The following PALS2 variants were observed in gnomAD, a reference collection of about 807,000 sequenced individuals.
The protein encoded by PALS2 is protein associated with LIN7 2, MAGUK p55 family member, also known as protein PALS2.
Under a neutral mutation model 61.6 loss-of-function variants are expected in PALS2, and 27 were observed. The observed-to-expected ratio is 0.44, with a 90% CI of 0.32 to 0.60. PALS2 has a LOEUF of 0.60. Among genes scored for constraint, PALS2 ranks in the 20% least tolerant of loss-of-function variants. The pLI, the probability that PALS2 is intolerant of heterozygous loss-of-function variation, is 0.05. For missense variants in PALS2, 554 were observed against 639.4 expected, an observed-to-expected ratio of 0.87 and a Z score of 1.44; for synonymous variants, 236 against 218.6, an observed-to-expected ratio of 1.08 and a Z score of -0.70.
At chr7:24,625,410 C>T (rs1381322153) in intron 2 of PALS2, among the ~76,000 whole-genome samples, 5 of 152,184 alleles carry the variant, frequency 3.3e-5, no homozygotes, top group Non-Finnish European at 7.4e-5. Flanking sequence ...TTTGTCTTCA[C>T]AACAACTTTA....
At chr7:24,668,189 G>T (rs1787127133) in intron 8 of PALS2, among the ~76,000 whole-genome samples, 1 of 151,960 alleles carries the variant, frequency 6.6e-6, no homozygotes, top group Admixed American at 6.6e-5. Flanking sequence ...TGGGTATAAT[G>T]GCTCATACCT....
intron 1 of PALS2, among the ~76,000 whole-genome samples, chr7:24,592,900 T>G (rs893826628): frequency 5.3e-5 from 8 of 152,186 alleles, no homozygotes; most frequent in South Asian, 2.1e-4. Context: ...GGGTGGTGGT[T>G]GTTGAAGGTT....
intron 1 of PALS2, among the ~76,000 whole-genome samples, chr7:24,605,458 T>G (rs556857437): frequency 3.7e-4 from 56 of 152,298 alleles, no homozygotes; most frequent in South Asian, 1.0e-3. Flanking sequence ...CATATATCAC[T>G]GATATAGTAA....
At chr7:24,674,024 C>G (rs1227233245) in intron 9 of PALS2, among the ~76,000 whole-genome samples, 1 of 151,788 alleles carries the variant, frequency 6.6e-6, no homozygotes, top group Non-Finnish European at 1.5e-5. Flanking sequence ...TAAATAGGTT[C>G]AATGATACAT....
At chr7:24,628,136 G>A (rs999810160) in intron 2 of PALS2, among the ~76,000 whole-genome samples, 3 of 152,102 alleles carry the variant, frequency 2.0e-5, no homozygotes, top group East Asian at 3.9e-4. Flanking sequence ...CTGGCAAACC[G>A]AATCCAGCAG....
chr7:24,622,012 CTGT>C (rs1182493746), intron 1 of PALS2, among the ~76,000 whole-genome samples: 2 of 151,892 alleles, frequency 1.3e-5, no homozygotes, highest in Admixed American at 1.3e-4. Context: ...TGTTTCTAGC[CTGT>C]TGTTTAGTTG....
intron 2 of PALS2, among the ~76,000 whole-genome samples, chr7:24,631,705 G>C (rs1177429668): frequency 1.3e-5 from 2 of 152,154 alleles, no homozygotes; most frequent in Non-Finnish European, 2.9e-5. Flanking sequence ...AATTGCCACA[G>C]CCACCCAAGC....
chr7:24,649,769 GTA>G lies in PALS2; in HGVS notation c.423+6_423+7del. The G allele has an allele frequency of 6.3e-7, 1 of 1,593,896 alleles. No individual in the cohort carries two copies. Among genetic ancestry groups the G allele is most frequent in the South Asian group, 1.1e-5 (1 of 87,344 alleles). ...AAAAGAGCTGGGGAACCACTGGTGA[GTA>G]CAGATAAATCAGTACCCTATTAAAT... On this transcript the variant is annotated splice_donor_region_variant and intron_variant, in intron 4 of 11. Coordinates refer to ENST00000222644, the MANE Select transcript of PALS2 (RefSeq NM_001303037.2).
chr7:24,626,270 G>T (rs568288533), intron 2 of PALS2, among the ~76,000 whole-genome samples: 1 of 151,874 alleles, frequency 6.6e-6, no homozygotes, highest in Non-Finnish European at 1.5e-5. Flanking sequence ...TTAAAGATAG[G>T]TTATTAGAAA....
At chr7:24,678,936 A>G (rs1787769082) in intron 9 of PALS2, among the ~76,000 whole-genome samples, 195 bp from the exon 10 acceptor site, 1 of 152,222 alleles carries the variant, frequency 6.6e-6, no homozygotes, top group Non-Finnish European at 1.5e-5. Context: ...GAAACCATGT[A>G]TGATACATAA....
At chr7:24,603,658 G>T (rs1783794048) in intron 1 of PALS2, among the ~76,000 whole-genome samples, 1 of 152,134 alleles carries the variant, frequency 6.6e-6, no homozygotes, top group South Asian at 2.1e-4. Flanking sequence ...CACAACATTG[G>T]CTCAAATGGC....
At chr7:24,686,541 C>CT (rs1173136174) in intron 11 of PALS2, among the ~76,000 whole-genome samples, 8 of 152,280 alleles carry the variant, frequency 5.3e-5, no homozygotes, top group Middle Eastern at 3.4e-3. Flanking sequence ...ATTTACTACT[C>CT]AGTCTTTTTC....
intron 2 of PALS2, among the ~76,000 whole-genome samples, chr7:24,638,345 T>TTTTTTTTG (rs1785348839): frequency 5.0e-5 from 1 of 20,006 alleles, no homozygotes; most frequent in Non-Finnish European, 6.9e-5. Context: ...TTTTTTTTTT[T>TTTTTTTTG]TTTGAGACGG....
intron 5 of PALS2, among the ~76,000 whole-genome samples, chr7:24,653,048 C>A (rs1257688221): frequency 1.3e-5 from 2 of 152,150 alleles, no homozygotes; most frequent in African/African-American, 4.8e-5. Context: ...GATAGGAATT[C>A]TCTCTTATTC....
In PALS2 at chr7:24,649,609, T is replaced by C; in HGVS notation, c.271-3T>C. 2 of 1,588,170 alleles carry C rather than the reference T, an allele frequency of 1.3e-6. No homozygotes were observed. The highest frequency in any genetic ancestry group is 1.7e-6 in the Non-Finnish European group (2 of 1,168,920). On this transcript the variant is annotated splice_region_variant and splice_polypyrimidine_tract_variant and intron_variant, in intron 3 of 11. Transcript: ENST00000222644. ...AACCACAGGCTATTTTGACTCCTTA[T>C]AGTCACTGTTGGAGGCCCATGATAT... is the stretch of plus-strand genomic sequence containing the variant.
At position 24,689,469 on chromosome 7, in the gene PALS2, A is replaced by AG. The variant is rs1473819487; in HGVS notation, c.*1856dup. The AG allele has an allele frequency of 6.6e-6, 1 of 152,192 alleles. No individual in the cohort carries two copies. 9.4% of individuals were successfully genotyped at this position (152,192 alleles called of 1,614,324 possible). On this transcript the variant is annotated 3_prime_UTR_variant, in exon 12 of 12. Coordinates refer to ENST00000222644, the MANE Select transcript of PALS2 (RefSeq NM_001303037.2). ...CCAGCTGGGAGGACTTTGAAGGAAA[A>AG]GAAAATATATGACAATAGGCAGTAT... is the stretch of plus-strand genomic sequence containing the variant.
In PALS2 at chr7:24,688,820, T is replaced by C. The variant is rs566696040; in HGVS notation, c.*1206T>C. Reference sequence around the variant, plus strand: ...TTAAAAAATGTACTTTGTTTTTTTGTTTGTTTGTTTTGAGATGGAGTCTCT... The same window carrying C: ...TTAAAAAATGTACTTTGTTTTTTTGCTTGTTTGTTTTGAGATGGAGTCTCT... On this transcript the variant is annotated 3_prime_UTR_variant, in exon 12 of 12. Transcript: ENST00000222644. The C allele has an allele frequency of 2.6e-5, 4 of 151,822 alleles. No individual in the cohort carries two copies. The East Asian group carries it at 7.7e-4, about 29-fold the overall frequency. The allele number at this position is 151,822 out of a possible 1,614,324, so 9.4% of individuals were successfully genotyped here. A position where few individuals can be genotyped will look rare whatever the true frequency, so the allele number is the denominator to read the frequency against.
At chr7:24,629,179 T>C (rs1784880984) in intron 2 of PALS2, among the ~76,000 whole-genome samples, 1 of 151,984 alleles carries the variant, frequency 6.6e-6, no homozygotes, top group Non-Finnish European at 1.5e-5. Context: ...GCCTCAGAAA[T>C]GACATGACAC....
At position 24,573,631 on chromosome 7, in the gene PALS2, T is replaced by C; in HGVS notation, c.-3+38T>C. On this transcript the variant is annotated intron_variant, in intron 1 of 11. Transcript: ENST00000222644. The surrounding 1 kb of genome is among the most constrained non-coding windows in gnomAD (Gnocchi z 5.3). ...GACCCCCACGCCGCTCGGGTAACGGTCGCGCCGCGCGCCGGGCCGGCCGGG... is the reference window on the plus strand; with the variant it reads ...GACCCCCACGCCGCTCGGGTAACGGCCGCGCCGCGCGCCGGGCCGGCCGGG... 3.2e-6 allele frequency: 1 copy of C among 314,298 alleles called. No homozygotes were observed. Among genetic ancestry groups the C allele is most frequent in the Non-Finnish European group, 5.8e-6 (1 of 172,716 alleles). The allele number at this position is 314,298 out of a possible 1,614,324, so 19.5% of individuals were successfully genotyped here.
Sources: allele counts gnomAD v4.1 joint callset (sites outside exome capture counted in the v4.1 genomes callset), GRCh38; gene constraint gnomAD v4.1.1; non-coding constraint Gnocchi (gnomAD v3.1); transcripts MANE v1.5; gene names NCBI Gene and HGNC (gene_info 2026-07-23, HGNC 2026-07-21).